The following RUVBL1 variants were observed in gnomAD, a reference collection of about 807,000 sequenced individuals.
RUVBL1 encodes ruvB-like 1.
A neutral mutation model predicts 52.4 loss-of-function variants in RUVBL1; 4 were observed. That is an observed-to-expected ratio of 0.08 (90% confidence interval 0.04 to 0.17). The LOEUF is 0.17. Among genes scored for constraint, RUVBL1 ranks in the 10% least tolerant of loss-of-function variants. The pLI, the probability that RUVBL1 is intolerant of heterozygous loss-of-function variation, is 1.00. For synonymous variants in RUVBL1, 217 were observed against 214.4 expected (o/e 1.01, Z -0.10); for missense variants, 298 against 572.8 (o/e 0.52, Z 4.90).
intron 1 of RUVBL1, among the ~76,000 whole-genome samples, chr3:128,132,559 A>C (rs2107729405): frequency 6.6e-6 from 1 of 152,290 alleles, no homozygotes; most frequent in Admixed American, 6.5e-5. Context: ...GCTTAGCCAC[A>C]GTAGAATGGG....
intron 9 of RUVBL1, chr3:128,075,053 CTTT>C (rs796835356): frequency 1.3e-5 from 2 of 151,050 alleles, no homozygotes; most frequent in African/African-American, 4.9e-5. Flanking sequence ...ACCTGCAATC[CTTT>C]TTTTTTATTC....
intron 1 of RUVBL1, among the ~76,000 whole-genome samples, chr3:128,139,704 G>C (rs1055520955): frequency 1.3e-5 from 2 of 152,134 alleles, no homozygotes; most frequent in Non-Finnish European, 2.9e-5. Context: ...AAAAGAATGA[G>C]ATCCTGTCAC....
intron 2 of RUVBL1, among the ~76,000 whole-genome samples, chr3:128,117,146 A>T (rs1185980927): frequency 6.6e-6 from 1 of 152,234 alleles, no homozygotes; most frequent in African/African-American, 2.4e-5. Context: ...AAGGAAAAAA[A>T]TATTCAATAG....
At chr3:128,091,762 A>C (rs1942847100) in intron 8 of RUVBL1, among the ~76,000 whole-genome samples, 1 of 152,228 alleles carries the variant, frequency 6.6e-6, no homozygotes, top group Non-Finnish European at 1.5e-5. Context: ...GATGTTCAGC[A>C]GCATCCTTGG....
chr3:128,098,968 T>C (rs779484701), intron 6 of RUVBL1, 23 bp from the exon 7 acceptor site: 6 of 1,602,680 alleles, frequency 3.7e-6, no homozygotes, highest in African/African-American at 1.3e-5. Context: ...AGACTTAGAG[T>C]CAGTGCTGCT....
intron 8 of RUVBL1, among the ~76,000 whole-genome samples, chr3:128,091,925 C>T (rs976945477): frequency 1.1e-4 from 17 of 152,148 alleles, no homozygotes; most frequent in African/African-American, 4.1e-4. Flanking sequence ...TACAGGGACA[C>T]GGATAACACA....
At chr3:128,146,213 G>A (rs967489734) in intron 1 of RUVBL1, among the ~76,000 whole-genome samples, 2 of 152,156 alleles carry the variant, frequency 1.3e-5, no homozygotes, top group African/African-American at 4.8e-5. Context: ...AACAGCAAGG[G>A]GGCCAGTGTG....
chr3:128,113,518 G>A lies in RUVBL1; in HGVS notation c.229-498C>T, dbSNP rs551451887. Among the ~76,000 whole-genome samples the A allele has an allele frequency of 2.1e-4, 32 of 152,244 alleles. 1 individual carries two copies. The highest frequency in any genetic ancestry group is 7.5e-4 in the African/African-American group (31 of 41,546). On this transcript the variant is annotated intron_variant, in intron 2 of 10. Transcript: ENST00000322623. The stretch of plus-strand genomic sequence containing the variant: ...GTTCAAGTCCTGGTATAAAATGGCA[G>A]GGTATTTGCATATAACCTATGCACA...
rs1293561305 is a variant in RUVBL1, at chr3:128,097,380, G to A, written c.936C>T (p.Phe312=). 1 of 1,614,220 alleles carries A rather than the reference G, an allele frequency of 6.2e-7. No homozygotes were observed. Among genetic ancestry groups the A allele is most frequent in the Admixed American group, 1.7e-5 (1 of 60,024 alleles). Residue 312 remains phenylalanine, a synonymous_variant, in exon 8 of 11, where the codon TTC becomes TTT. Transcript: ENST00000322623. The stretch of plus-strand genomic sequence containing the variant: ...ACTCCAGGGCGCGGTGCAGGTAGGT[G>A]AAGCACTCAATGTCCAGCATGTGGA... ...DEVHMLDIEC[F]TYLHRALESS... is the part of the protein sequence containing the mutation.
intron 8 of RUVBL1, among the ~76,000 whole-genome samples, chr3:128,095,727 C>T (rs1180108034): frequency 6.6e-6 from 1 of 152,140 alleles, no homozygotes; most frequent in African/African-American, 2.4e-5. Flanking sequence ...GCCAGCAACA[C>T]CAGAGTTTGC....
rs1274532628 is a variant in RUVBL1, at chr3:128,123,630, G to C, written c.95C>G (p.Ala32Gly). 6.2e-7 allele frequency: 1 copy of C among 1,611,906 alleles called. No individual in the cohort carries two copies. Reference sequence around the variant, plus strand: ...CACAAGCCCTGAGGCCGCCTGCTTGGCCAAGCCGCTCTCGTCCAGCCCCAG... The same window carrying C: ...CACAAGCCCTGAGGCCGCCTGCTTGCCCAAGCCGCTCTCGTCCAGCCCCAG... Reference protein sequence around the residue: ...KGLGLDESGLAKQAASGLVGQ... With the variant: ...KGLGLDESGLGKQAASGLVGQ... The change falls in exon 1 of 11, where the codon GCC (alanine) becomes GGC (glycine). Residue 32 changes from alanine to glycine, a missense_variant. Ala to Gly is a moderately conservative substitution (Grantham distance 60). This residue lies in a region of RUVBL1 where 71 missense variants were observed against 125.7 expected (regional missense o/e 0.57). Transcript: ENST00000322623.
intron 2 of RUVBL1, among the ~76,000 whole-genome samples, chr3:128,115,113 T>C (rs1056103027): frequency 6.6e-6 from 1 of 152,190 alleles, no homozygotes; most frequent in African/African-American, 2.4e-5. Flanking sequence ...GAGTGCTGCA[T>C]AGACCTCATC....
chr3:128,149,189 CT>C (rs34444238), intron 1 of RUVBL1, among the ~76,000 whole-genome samples: 37,503 of 132,640 alleles, frequency 0.28, 4,484 homozygotes, highest in South Asian at 0.36. Flanking sequence ...TTCTTTCTTT[CT>C]TTTTTTTTTT....
downstream of RUVBL1, among the ~76,000 whole-genome samples, chr3:128,076,389 G>A (rs2107663477): frequency 6.6e-6 from 1 of 152,292 alleles, no homozygotes; most frequent in East Asian, 1.9e-4. This position sits in a 1 kb window ranked among gnomAD's most constrained non-coding sequence, Gnocchi z 6.8. Flanking sequence ...CAGGGGGGCG[G>A]CCGGCATGGA....
At chr3:128,077,568 CG>C (rs1942370815), downstream of RUVBL1, among the ~76,000 whole-genome samples, 1 of 152,210 alleles carries the variant, frequency 6.6e-6, no homozygotes, top group Non-Finnish European at 1.5e-5. Context: ...GTGGTCATTT[CG>C]CCCCCTCTGG....
intron 1 of RUVBL1, among the ~76,000 whole-genome samples, chr3:128,142,231 T>C (rs1175816091): frequency 6.6e-6 from 1 of 152,198 alleles, no homozygotes; most frequent in Non-Finnish European, 1.5e-5. Context: ...GGAGCTCCCA[T>C]GGGTCCTGTC....
chr3:128,144,551 G>A (rs1944075335), intron 1 of RUVBL1, among the ~76,000 whole-genome samples: 1 of 152,226 alleles, frequency 6.6e-6, no homozygotes, highest in South Asian at 2.1e-4. Flanking sequence ...AGAGGAGGAT[G>A]TCTTCGTGGG....
At chr3:128,149,130 TTTTC>T (rs1576494061) in intron 1 of RUVBL1, among the ~76,000 whole-genome samples, 1 of 151,932 alleles carries the variant, frequency 6.6e-6, no homozygotes, top group African/African-American at 2.4e-5. Context: ...CCTTTCTTTC[TTTTC>T]TTTTTGGTAG....
At chr3:128,136,495 A>G (rs138175493) in intron 1 of RUVBL1, among the ~76,000 whole-genome samples, 2,783 of 152,022 alleles carry the variant, frequency 0.018, 90 homozygotes, top group African/African-American at 0.064. Context: ...GCATGGTGGC[A>G]TGCACCTGTA....
Sources: gnomAD v4.1 joint callset for allele counts (sites outside exome capture counted in the v4.1 genomes callset) on GRCh38, gnomAD v4.1.1 for gene constraint, gnomAD v4.1.1 regional missense constraint, Gnocchi (gnomAD v3.1) non-coding constraint, MANE v1.5 for transcripts, NCBI Gene and HGNC (gene_info 2026-07-23, HGNC 2026-07-21) for gene names.